The following MEGF11 variants were observed in gnomAD, a reference collection of about 807,000 sequenced individuals.
The protein encoded by MEGF11 is multiple EGF like domains 11, also known as multiple epidermal growth factor-like domains protein 11.
MEGF11 carries 126 observed loss-of-function variants against 146.6 expected under a neutral mutation model. That is an observed-to-expected ratio of 0.86 (90% CI 0.74 to 1.00). The LOEUF is 1.00. Among genes scored for constraint, MEGF11 ranks in the 50% least tolerant of loss-of-function variants. MEGF11 has a pLI of 0.00. For missense variants in MEGF11, 1,509 were observed against 1,521.2 expected, an observed-to-expected ratio of 0.99 and a Z score of 0.13; for synonymous variants, 532 against 583.4, an observed-to-expected ratio of 0.91 and a Z score of 1.27.
intron 8 of MEGF11, among the ~76,000 whole-genome samples, chr15:65,968,650 A>G (rs969397590): frequency 6.6e-6 from 1 of 152,150 alleles, no homozygotes; most frequent in Non-Finnish European, 1.5e-5. Flanking sequence ...TACACAAAGC[A>G]TGCTAATAAT....
At chr15:66,031,779 CA>C (rs2083530727) in intron 5 of MEGF11, among the ~76,000 whole-genome samples, 1 of 152,178 alleles carries the variant, frequency 6.6e-6, no homozygotes, top group African/African-American at 2.4e-5. Flanking sequence ...ATGTGTCTCC[CA>C]AAAGTTCGTG....
intron 1 of MEGF11, among the ~76,000 whole-genome samples, chr15:66,128,629 C>T (rs2088500160): frequency 6.6e-6 from 1 of 152,186 alleles, no homozygotes; most frequent in Non-Finnish European, 1.5e-5. Flanking sequence ...TGTTTTTTGA[C>T]TCAGGGACTG....
At chr15:65,931,110 C>T (rs1420566840) in intron 10 of MEGF11, among the ~76,000 whole-genome samples, 167 bp from the exon 11 acceptor site, 5 of 152,164 alleles carry the variant, frequency 3.3e-5, no homozygotes, top group Non-Finnish European at 7.3e-5. Context: ...GGTGCGATTA[C>T]GGACCTGGAG....
At chr15:66,067,571 C>T (rs981766556) in intron 5 of MEGF11, among the ~76,000 whole-genome samples, 10 of 152,226 alleles carry the variant, frequency 6.6e-5, no homozygotes, top group African/African-American at 2.2e-4. Flanking sequence ...CAGGTGGGAC[C>T]CTTTGCCTTT....
At chr15:65,985,867 C>T (rs2081837234) in intron 5 of MEGF11, among the ~76,000 whole-genome samples, 1 of 151,778 alleles carries the variant, frequency 6.6e-6, no homozygotes, top group Non-Finnish European at 1.5e-5. Context: ...AAACACAATT[C>T]TATTAAGCCT....
At chr15:66,047,923 A>G (rs1414423305) in intron 5 of MEGF11, among the ~76,000 whole-genome samples, 4 of 148,902 alleles carry the variant, frequency 2.7e-5, no homozygotes, top group African/African-American at 9.9e-5. Context: ...CTGAGGGGAC[A>G]TTGTTATCTC....
At chr15:66,002,711 G>A (rs2082402379) in intron 5 of MEGF11, among the ~76,000 whole-genome samples, 1 of 152,204 alleles carries the variant, frequency 6.6e-6, no homozygotes, top group Admixed American at 6.5e-5. Context: ...ACAATAAATT[G>A]TAGCAATTAT....
At chr15:66,026,130 G>A (rs2083323691) in intron 5 of MEGF11, among the ~76,000 whole-genome samples, 1 of 152,234 alleles carries the variant, frequency 6.6e-6, no homozygotes, top group Admixed American at 6.5e-5. Flanking sequence ...ACTCCCCAAA[G>A]CTCCCCAGGT....
chr15:66,176,580 C>A (rs138448845), intron 1 of MEGF11, among the ~76,000 whole-genome samples: 2 of 152,330 alleles, frequency 1.3e-5, no homozygotes, highest in Non-Finnish European at 2.9e-5. Context: ...TGGGCACACA[C>A]GGCTAGTGGC....
At chr15:66,051,462 G>A (rs2084442236) in intron 5 of MEGF11, among the ~76,000 whole-genome samples, 1 of 152,170 alleles carries the variant, frequency 6.6e-6, no homozygotes. Flanking sequence ...TTTTCCAACA[G>A]AGAAGTCTGT....
intron 1 of MEGF11, among the ~76,000 whole-genome samples, chr15:66,239,605 A>G (rs1293436146): frequency 2.6e-5 from 4 of 152,204 alleles, no homozygotes; most frequent in African/African-American, 9.7e-5. Flanking sequence ...CAGTGGTCTC[A>G]TCTAACATCA....
intron 10 of MEGF11, among the ~76,000 whole-genome samples, chr15:65,949,575 A>T (rs950880077): frequency 2.6e-5 from 4 of 152,158 alleles, no homozygotes; most frequent in African/African-American, 4.8e-5. Context: ...ATGGGAGGGG[A>T]CACTGGAGCC....
At chr15:65,998,710 T>C (rs2082273193) in intron 5 of MEGF11, among the ~76,000 whole-genome samples, 2 of 151,990 alleles carry the variant, frequency 1.3e-5, no homozygotes, top group African/African-American at 4.8e-5. Context: ...TTCGGGGGTG[T>C]GGGGAGGACC....
rs931406952 is a variant in MEGF11 at position 65,954,677 on chromosome 15, C to T, written c.1287+2870G>A. 2.6e-5 allele frequency among the ~76,000 whole-genome samples: 4 copies of T among 152,172 alleles called. No homozygotes were observed. In the South Asian group the frequency reaches 8.3e-4, roughly 32 times the overall value. ...AGATGACTCTGGCATGCACCTGTGC[C>T]CCAAAGTTCAAGGACAGGAAGTCAT... On this transcript the variant is annotated intron_variant, in intron 10 of 25. Transcript: ENST00000395614.
At chr15:66,116,387 T>C (rs906701525) in intron 4 of MEGF11, among the ~76,000 whole-genome samples, 2 of 152,046 alleles carry the variant, frequency 1.3e-5, no homozygotes, top group East Asian at 3.9e-4. Context: ...GGGTGGGCCA[T>C]AGTAGGTGCT....
Position 65,897,661 on chromosome 15 carries a change from G to C in MEGF11, c.*273C>G. The C allele has an allele frequency of 3.9e-6, 1 of 254,770 alleles. No homozygotes were observed. Among genetic ancestry groups the C allele is most frequent in the Non-Finnish European group, 7.4e-6 (1 of 135,460 alleles). 15.8% of individuals were successfully genotyped at this position (254,770 alleles called of 1,614,324 possible). A position where few individuals can be genotyped will look rare whatever the true frequency, so the allele number is the denominator to read the frequency against. ...ATATATATATCAGCTATATTTAGCTGATGTTGATGAGTAGCTGTATCTTAA... is the reference window on the plus strand; with the variant it reads ...ATATATATATCAGCTATATTTAGCTCATGTTGATGAGTAGCTGTATCTTAA... On this transcript the variant is annotated 3_prime_UTR_variant, in exon 26 of 26. Transcript: ENST00000395614.
At chr15:66,182,346 C>G (rs76234081) in intron 1 of MEGF11, among the ~76,000 whole-genome samples, 2,192 of 152,230 alleles carry the variant, frequency 0.014, 59 homozygotes, top group African/African-American at 0.05. Flanking sequence ...GTTTGATCCT[C>G]GGGGCCCACA....
intron 1 of MEGF11, among the ~76,000 whole-genome samples, chr15:66,138,558 C>T (rs185444822): frequency 2.0e-5 from 3 of 152,284 alleles, no homozygotes; most frequent in Admixed American, 1.3e-4. Context: ...GGTCGGGTCA[C>T]GGCCGGCACT....
At chr15:66,083,240 T>A (rs999019519) in intron 5 of MEGF11, among the ~76,000 whole-genome samples, 8 of 152,230 alleles carry the variant, frequency 5.3e-5, no homozygotes, top group Admixed American at 6.5e-5. Context: ...GTAGAGATCA[T>A]CTTTTTGGTT....
Sources: gnomAD v4.1 joint callset for allele counts (sites outside exome capture counted in the v4.1 genomes callset) on GRCh38, gnomAD v4.1.1 for gene constraint, MANE v1.5 for transcripts, NCBI Gene and HGNC (gene_info 2026-07-23, HGNC 2026-07-21) for gene names.